Variants in DSCAM observed in about 807,000 individuals in gnomAD.
DSCAM encodes DS cell adhesion molecule.
In DSCAM, 47 loss-of-function variants were observed where a neutral mutation model predicts 217.7. That is an observed-to-expected ratio of 0.22 (90% CI 0.17 to 0.28). The LOEUF is 0.28. Ranked by LOEUF, DSCAM falls within the 10% of genes least tolerant of loss-of-function variation. DSCAM has a pLI of 1.00. For synonymous variants in DSCAM, 1,056 were observed against 1,015.3 expected, an observed-to-expected ratio of 1.04 and a Z score of -0.76; for missense variants, 2,080 against 2,618.3, an observed-to-expected ratio of 0.79 and a Z score of 4.49.
At chr21:40,194,724 T>C (rs1406890164) in intron 11 of DSCAM, among the ~76,000 whole-genome samples, 2 of 152,224 alleles carry the variant, frequency 1.3e-5, no homozygotes, top group Non-Finnish European at 2.9e-5. Flanking sequence ...ACCTACTTTT[T>C]TGCAGCATAA....
intron 1 of DSCAM, among the ~76,000 whole-genome samples, chr21:40,812,875 T>G (rs2091850708): frequency 6.6e-6 from 1 of 152,160 alleles, no homozygotes; most frequent in African/African-American, 2.4e-5. Context: ...AGCAAGAGAT[T>G]GTTTCAGTAA....
At chr21:40,605,748 C>CA (rs1192147456) in intron 3 of DSCAM, among the ~76,000 whole-genome samples, 1 of 139,724 alleles carries the variant, frequency 7.2e-6, no homozygotes, top group Non-Finnish European at 1.6e-5. Flanking sequence ...GGGTTTTAAA[C>CA]AAAAAATATG....
rs750290290 is a variant in DSCAM, at chr21:40,339,133, C to T, written c.1493G>A (p.Arg498Gln). 8 of 1,613,916 alleles carry T rather than the reference C, an allele frequency of 5.0e-6. No homozygotes were observed. The highest frequency in any genetic ancestry group is 5.9e-6 in the Non-Finnish European group (7 of 1,180,006). ...TTGACAAGCACCTCTTACGTTTATT[C>T]GAGCCTGGTACAGGACGACTCCCGC... ...NSAGVVLYQA[R>Q]INVRGPASIR... Residue 498 changes from arginine to glutamine, a missense_variant, in exon 7 of 33, where the codon CGA becomes CAA. Physicochemically the swap from Arg to Gln is conservative, Grantham distance 43. Around this residue, in one of 5 missense-constraint regions of DSCAM, gnomAD observed 568 missense variants for 678.1 expected, o/e 0.84. Coordinates refer to ENST00000400454, the MANE Select transcript of DSCAM (RefSeq NM_001389.5).
intron 14 of DSCAM, among the ~76,000 whole-genome samples, chr21:40,186,540 C>T (rs952163044): frequency 7.2e-5 from 11 of 152,162 alleles, no homozygotes; most frequent in African/African-American, 2.4e-4. Context: ...ACACCTGCAG[C>T]GGCCCTGGCA....
intron 8 of DSCAM, among the ~76,000 whole-genome samples, chr21:40,313,589 T>C (rs1210991601): frequency 6.6e-6 from 1 of 152,218 alleles, no homozygotes; most frequent in African/African-American, 2.4e-5. Flanking sequence ...AGTAATATGC[T>C]CTTTCATCAG....
chr21:40,607,647 A>C (rs1025717184), intron 3 of DSCAM, among the ~76,000 whole-genome samples: 10 of 151,960 alleles, frequency 6.6e-5, no homozygotes, highest in Admixed American at 4.6e-4. Flanking sequence ...ATGCTACTGA[A>C]TAAGTCTCAT....
At chr21:40,487,752 C>A (rs577913176) in intron 3 of DSCAM, among the ~76,000 whole-genome samples, 1 of 152,106 alleles carries the variant, frequency 6.6e-6, no homozygotes, top group Non-Finnish European at 1.5e-5. Context: ...TAGAGAGAAC[C>A]TATGAAGCTG....
chr21:40,142,105 T>C (rs1157650428), intron 18 of DSCAM, among the ~76,000 whole-genome samples: 1 of 151,820 alleles, frequency 6.6e-6, no homozygotes, highest in Non-Finnish European at 1.5e-5. Context: ...CCCTCCTGAG[T>C]GCCCCCCTCC....
chr21:40,578,912 T>C (rs1376785929), intron 3 of DSCAM, among the ~76,000 whole-genome samples: 1 of 152,216 alleles, frequency 6.6e-6, no homozygotes, highest in Non-Finnish European at 1.5e-5. Flanking sequence ...TCAAGTGACA[T>C]GGAAGAGTTC....
chr21:40,521,107 G>A (rs1218428183), intron 3 of DSCAM, among the ~76,000 whole-genome samples: 4 of 152,062 alleles, frequency 2.6e-5, no homozygotes, highest in African/African-American at 7.2e-5. Flanking sequence ...TTTCTCAACC[G>A]GGGTCATTTT....
Position 40,811,652 on chromosome 21 carries a change from AC to A in DSCAM, c.43+34966del, listed in dbSNP as rs571900018. On this transcript the variant is annotated intron_variant, in intron 1 of 32. Coordinates refer to ENST00000400454, the MANE Select transcript of DSCAM (RefSeq NM_001389.5). ...AAAGACAGAACAAAGGCTGATGCAG[AC>A]AGAAAGGAGAAATCCTCATGGGTAA... Among the ~76,000 whole-genome samples the A allele has an allele frequency of 1.4e-4, 22 of 152,358 alleles. No individual in the cohort carries two copies. The East Asian group carries it at 2.1e-3, about 15-fold the overall frequency.
At chr21:40,127,479 T>C (rs2090107011) in intron 19 of DSCAM, among the ~76,000 whole-genome samples, 1 of 152,232 alleles carries the variant, frequency 6.6e-6, no homozygotes, top group Non-Finnish European at 1.5e-5. Context: ...CTGGGCATCA[T>C]AGAGAGGAGT....
intron 1 of DSCAM, among the ~76,000 whole-genome samples, chr21:40,775,735 C>A (rs899466762): frequency 1.3e-5 from 2 of 152,132 alleles, no homozygotes; most frequent in African/African-American, 4.8e-5. Context: ...TCGTCGGCAT[C>A]CCTGGTTCTC....
At position 40,548,049 on chromosome 21, in the gene DSCAM, G is replaced by T. The variant is rs770137769; in HGVS notation, c.508+144761C>A. On this transcript the variant is annotated intron_variant, in intron 3 of 32. Transcript: ENST00000400454. ...GTGGCATGTTAGCAGAGCTGCGGAGGAGCGGGGAGAGAGCCGGTTGGTTAA... is the reference window on the plus strand; with the variant it reads ...GTGGCATGTTAGCAGAGCTGCGGAGTAGCGGGGAGAGAGCCGGTTGGTTAA... 2.6e-4 allele frequency among the ~76,000 whole-genome samples: 40 copies of T among 152,312 alleles called. 1 individual carries two copies. Among genetic ancestry groups the T allele is most frequent in the Non-Finnish European group, 4.3e-4 (29 of 68,026 alleles).
At chr21:40,482,703 C>T (rs929892044) in intron 3 of DSCAM, among the ~76,000 whole-genome samples, 1 of 152,142 alleles carries the variant, frequency 6.6e-6, no homozygotes, top group African/African-American at 2.4e-5. Flanking sequence ...ATGTTTGATT[C>T]TAGAATTTTT....
chr21:40,342,264 TATA>T (rs960864226), intron 6 of DSCAM, among the ~76,000 whole-genome samples: 3 of 152,244 alleles, frequency 2.0e-5, no homozygotes, highest in Non-Finnish European at 1.5e-5. Context: ...AGAGATTATA[TATA>T]ATATCTGTCA....
At chr21:40,628,560 T>G (rs1277496411) in intron 3 of DSCAM, among the ~76,000 whole-genome samples, 3 of 152,202 alleles carry the variant, frequency 2.0e-5, no homozygotes, top group Non-Finnish European at 4.4e-5. Context: ...GGCAGAGTTA[T>G]GTAGTAATAA....
At chr21:40,556,541 T>C (rs899781910) in intron 3 of DSCAM, among the ~76,000 whole-genome samples, 1 of 152,210 alleles carries the variant, frequency 6.6e-6, no homozygotes, top group African/African-American at 2.4e-5. Context: ...ACAATTCTGA[T>C]AGCTGGAAGG....
chr21:40,088,202 C>A (rs938124822), intron 21 of DSCAM, among the ~76,000 whole-genome samples: 4 of 152,182 alleles, frequency 2.6e-5, no homozygotes, highest in Non-Finnish European at 4.4e-5. Context: ...GGTGCCCCTA[C>A]AGGAGCTCAC....
Sources: allele counts gnomAD v4.1 joint callset (sites outside exome capture counted in the v4.1 genomes callset), GRCh38; gene constraint gnomAD v4.1.1; regional missense constraint gnomAD v4.1.1; transcripts MANE v1.5; gene names NCBI Gene and HGNC (gene_info 2026-07-23, HGNC 2026-07-21).